Variants in PPP2R2B observed in about 807,000 individuals in gnomAD.
The protein encoded by PPP2R2B is protein phosphatase 2 regulatory subunit Bbeta.
Under a neutral mutation model 46.0 loss-of-function variants are expected in PPP2R2B, and 5 were observed. The observed-to-expected ratio is 0.11, with a 90% CI of 0.06 to 0.23. The LOEUF (loss-of-function observed/expected upper bound fraction) is 0.23. Among genes scored for constraint, PPP2R2B ranks in the 10% least tolerant of loss-of-function variants. PPP2R2B has a pLI of 1.00. For missense variants in PPP2R2B, 367 were observed against 575.0 expected, an observed-to-expected ratio of 0.64 and a Z score of 3.70; for synonymous variants, 215 against 206.7, an observed-to-expected ratio of 1.04 and a Z score of -0.34.
chr5:146,677,864 C>A (rs74500684), intron 5 of PPP2R2B, among the ~76,000 whole-genome samples: 1 of 152,124 alleles, frequency 6.6e-6, no homozygotes, highest in Non-Finnish European at 1.5e-5. Context: ...TTCCTAGTCA[C>A]TGGATTACAA....
intron 2 of PPP2R2B, among the ~76,000 whole-genome samples, chr5:146,868,375 G>C (rs904924545): frequency 1.3e-5 from 2 of 152,126 alleles, no homozygotes; most frequent in African/African-American, 4.8e-5. Flanking sequence ...GGAATTTCTG[G>C]GGTCATTTAA....
intron 2 of PPP2R2B, among the ~76,000 whole-genome samples, chr5:146,734,634 C>T (rs1752431450): frequency 6.6e-6 from 1 of 152,138 alleles, no homozygotes; most frequent in African/African-American, 2.4e-5. Flanking sequence ...ACCCCCTGGC[C>T]ATGCTTCTCT....
chr5:146,941,422 A>C (rs6860666), intron 1 of PPP2R2B, among the ~76,000 whole-genome samples: 31,731 of 152,088 alleles, frequency 0.21, 3,554 homozygotes, highest in East Asian at 0.39. Flanking sequence ...GTCCATCAAT[A>C]AGACAGATCT....
chr5:146,833,225 A>G (rs1475099186), intron 2 of PPP2R2B, among the ~76,000 whole-genome samples: 3 of 152,124 alleles, frequency 2.0e-5, no homozygotes, highest in African/African-American at 7.2e-5. Flanking sequence ...ATCATCTTAC[A>G]TATTTGTGCA....
intron 2 of PPP2R2B, among the ~76,000 whole-genome samples, chr5:147,074,590 T>G (rs1193571801): frequency 1.3e-5 from 2 of 152,148 alleles, no homozygotes; most frequent in African/African-American, 2.4e-5. Flanking sequence ...TGGTTTTTAT[T>G]TATTTATTTT....
At chr5:146,766,714 C>G (rs149392130) in intron 2 of PPP2R2B, among the ~76,000 whole-genome samples, 2 of 152,210 alleles carry the variant, frequency 1.3e-5, no homozygotes, top group African/African-American at 4.8e-5. Flanking sequence ...GCTTCTGGAA[C>G]AGTGAATGCT....
At chr5:146,982,921 T>C (rs1450651050) in intron 1 of PPP2R2B, among the ~76,000 whole-genome samples, 1 of 152,136 alleles carries the variant, frequency 6.6e-6, no homozygotes, top group Non-Finnish European at 1.5e-5. Context: ...TATATTCTTA[T>C]ATTTGAAGTG....
Position 146,986,070 on chromosome 5 carries a change from G to A in PPP2R2B, c.79+69595C>T, listed in dbSNP as rs141341822. Among the ~76,000 whole-genome samples, 1,058 of 152,226 alleles carry A rather than the reference G, an allele frequency of 7.0e-3. 10 individuals carry two copies. The highest frequency in any genetic ancestry group is 0.022 in the African/African-American group (910 of 41,538). ...TTCACAAGAACTAAAGAAATCAGGT[G>A]AGAGATCATACTACCTGATTTTACC... On this transcript the variant is annotated intron_variant, in intron 1 of 8. Transcript: ENST00000336640.
At chr5:146,879,996 A>G (rs1269333696), upstream of PPP2R2B, among the ~76,000 whole-genome samples, 1 of 152,222 alleles carries the variant, frequency 6.6e-6, no homozygotes, top group Non-Finnish European at 1.5e-5. Context: ...AACACAATTT[A>G]GAAAGTATTT....
At chr5:146,658,797 C>CT (rs1776505269) in intron 5 of PPP2R2B, among the ~76,000 whole-genome samples, 3 of 152,250 alleles carry the variant, frequency 2.0e-5, no homozygotes, top group Middle Eastern at 3.4e-3. Context: ...TTGCATGATA[C>CT]TTTTAATCAA....
At chr5:146,610,219 A>C (rs1772746600) in intron 7 of PPP2R2B, among the ~76,000 whole-genome samples, 1 of 24,962 alleles carries the variant, frequency 4.0e-5, no homozygotes, top group Non-Finnish European at 7.4e-5. Flanking sequence ...ACTGGGAGGC[A>C]CCCCCCAGCA....
intron 2 of PPP2R2B, chr5:146,706,357 G>A: frequency 1.6e-6 from 1 of 616,376 alleles, no homozygotes; most frequent in Admixed American, 1.9e-5. Flanking sequence ...TGAGGCCAGA[G>A]CCTGTGAGGC....
chr5:146,973,643 T>C (rs1397140730), intron 1 of PPP2R2B, among the ~76,000 whole-genome samples: 1 of 152,194 alleles, frequency 6.6e-6, no homozygotes, highest in African/African-American at 2.4e-5. Flanking sequence ...TGGAGAGAAA[T>C]TGCCACTTGA....
Position 147,038,340 on chromosome 5 carries a change from G to A in PPP2R2B, c.79+17325C>T, listed in dbSNP as rs183055461. On this transcript the variant is annotated intron_variant, in intron 1 of 8. Transcript: ENST00000336640. Reference sequence around the variant, plus strand: ...TCAGGGAAAGGAGAACGAGTTTGATGGAGGAATACTATATAGTGTCCCCTG... The same window carrying A: ...TCAGGGAAAGGAGAACGAGTTTGATAGAGGAATACTATATAGTGTCCCCTG... Among the ~76,000 whole-genome samples, 301 of 152,220 alleles carry A rather than the reference G, an allele frequency of 2.0e-3. 1 individual carries two copies. The highest frequency in any genetic ancestry group is 1.7e-3 in the Non-Finnish European group (118 of 68,008).
At chr5:147,005,738 AAAGTCAAAG>A (rs1754406960) in intron 1 of PPP2R2B, among the ~76,000 whole-genome samples, 1 of 152,136 alleles carries the variant, frequency 6.6e-6, no homozygotes, top group African/African-American at 2.4e-5. Context: ...AGAGAAACAG[AAAGTCAAAG>A]AAGGAAAGGA....
intron 2 of PPP2R2B, among the ~76,000 whole-genome samples, chr5:146,843,884 T>A (rs1018537703): frequency 1.3e-5 from 2 of 151,864 alleles, no homozygotes; most frequent in Non-Finnish European, 2.9e-5. Flanking sequence ...AAGTCTTTGT[T>A]ATTGTGAATA....
chr5:146,721,905 G>A (rs1050854276), intron 2 of PPP2R2B, among the ~76,000 whole-genome samples: 1 of 152,178 alleles, frequency 6.6e-6, no homozygotes, highest in African/African-American at 2.4e-5. Context: ...AATCATTAAG[G>A]TTAACAGGAA....
intron 2 of PPP2R2B, among the ~76,000 whole-genome samples, chr5:146,721,686 G>C (rs1334688386): frequency 6.6e-6 from 1 of 152,212 alleles, no homozygotes; most frequent in Non-Finnish European, 1.5e-5. Context: ...AGCTCCCAGT[G>C]ATCATTAAGG....
At chr5:146,925,240 C>T (rs1379773552) in intron 1 of PPP2R2B, among the ~76,000 whole-genome samples, 1 of 152,066 alleles carries the variant, frequency 6.6e-6, no homozygotes, top group Non-Finnish European at 1.5e-5. Context: ...TTACAGTGCT[C>T]TTCATTTTTT....
Sources: gnomAD v4.1 joint callset for allele counts (sites outside exome capture counted in the v4.1 genomes callset) on GRCh38, gnomAD v4.1.1 for gene constraint, MANE v1.5 for transcripts, NCBI Gene and HGNC (gene_info 2026-07-23, HGNC 2026-07-21) for gene names.